Variants in TAFA2 observed in about 807,000 individuals in gnomAD.
The protein encoded by TAFA2 is chemokine-like protein TAFA-2.
In TAFA2, 7 loss-of-function variants were observed where a neutral mutation model predicts 18.8. That is an observed-to-expected ratio of 0.37 (90% confidence interval 0.21 to 0.70). TAFA2 has a LOEUF of 0.70. Ranked by LOEUF, TAFA2 falls within the 30% of genes least tolerant of loss-of-function variation. The pLI is 0.53. For missense variants in TAFA2, 122 were observed against 158.1 expected (o/e 0.77, Z 1.23); for synonymous variants, 60 against 54.2 (o/e 1.11, Z -0.47).
At chr12:62,249,630 G>C (rs1490432821) in intron 1 of TAFA2, among the ~76,000 whole-genome samples, 1 of 152,138 alleles carries the variant, frequency 6.6e-6, no homozygotes, top group Non-Finnish European at 1.5e-5. Flanking sequence ...TAGTCAGCAA[G>C]ATTCAGAGCA....
At chr12:62,228,341 A>T (rs1410747993) in intron 1 of TAFA2, among the ~76,000 whole-genome samples, 2 of 152,172 alleles carry the variant, frequency 1.3e-5, no homozygotes, top group Non-Finnish European at 2.9e-5. Context: ...GTGCTGTGAT[A>T]AATATATGAG....
chr12:62,093,286 T>C (rs1394499380), intron 1 of TAFA2, among the ~76,000 whole-genome samples: 1 of 151,976 alleles, frequency 6.6e-6, no homozygotes, highest in Non-Finnish European at 1.5e-5. Flanking sequence ...TGGAAAGCAA[T>C]TTACAAGTTT....
At chr12:62,172,398 T>A (rs1280880087) in intron 1 of TAFA2, among the ~76,000 whole-genome samples, 1 of 152,206 alleles carries the variant, frequency 6.6e-6, no homozygotes, top group Non-Finnish European at 1.5e-5. Flanking sequence ...AAATTGAAGT[T>A]GTGTATGTGT....
chr12:61,877,958 T>TAC, intron 1 of TAFA2: 2 of 426,740 alleles, frequency 4.7e-6, no homozygotes, highest in East Asian at 7.0e-5. Context: ...TACATATATA[T>TAC]ACACACACAG....
rs1868800467 is a variant in TAFA2 at position 61,747,796 on chromosome 12, C to A, written c.384+5826G>T. ...CGAGTTAGTGGGTGCAGCACACCAG[C>A]ATGGCACGTGTATACATATGTAACT... On this transcript the variant is annotated intron_variant, in intron 4 of 4. Transcript: ENST00000416284. Among the ~76,000 whole-genome samples, 6 of 150,702 alleles carry A rather than the reference C, an allele frequency of 4.0e-5. No homozygotes were observed. The South Asian group carries it at 1.3e-3, about 32-fold the overall frequency.
intron 1 of TAFA2, among the ~76,000 whole-genome samples, chr12:61,894,868 T>G (rs2121303524): frequency 6.6e-6 from 1 of 152,334 alleles, no homozygotes; most frequent in East Asian, 1.9e-4. Flanking sequence ...AAAATATGGA[T>G]GCAGAAAAAC....
intron 1 of TAFA2, among the ~76,000 whole-genome samples, chr12:62,083,448 A>T (rs535851958): frequency 6.6e-6 from 1 of 152,218 alleles, no homozygotes; most frequent in African/African-American, 2.4e-5. Flanking sequence ...TTTCTGGGGC[A>T]TATGCCATAT....
At chr12:62,154,057 A>T (rs1440985421) in intron 1 of TAFA2, among the ~76,000 whole-genome samples, 1 of 152,054 alleles carries the variant, frequency 6.6e-6, no homozygotes. Context: ...CTGAACCTAC[A>T]GGCACCTGCC....
At position 61,867,236 on chromosome 12, in the gene TAFA2, G is replaced by C. The variant is rs552194070; in HGVS notation, c.106+84C>G. On this transcript the variant is annotated intron_variant, in intron 2 of 4. Coordinates refer to ENST00000416284, the MANE Select transcript of TAFA2 (RefSeq NM_178539.5). ...AATCTATACCTAGTAAAATTTAACAGACCAGTGGAGGCAAAACATAACAGT... is the reference window on the plus strand; with the variant it reads ...AATCTATACCTAGTAAAATTTAACACACCAGTGGAGGCAAAACATAACAGT... The C allele has an allele frequency of 7.0e-4, 601 of 863,192 alleles. No individual in the cohort carries two copies. Among genetic ancestry groups the C allele is most frequent in the Middle Eastern group, 2.2e-3 (10 of 4,528 alleles). 53.5% of individuals were successfully genotyped at this position (863,192 alleles called of 1,614,324 possible). A position where few individuals can be genotyped will look rare whatever the true frequency, so the allele number is the denominator to read the frequency against.
intron 1 of TAFA2, among the ~76,000 whole-genome samples, chr12:61,932,328 T>C (rs917573541): frequency 1.3e-5 from 2 of 152,156 alleles, no homozygotes; most frequent in Admixed American, 6.6e-5. Context: ...TTTAAGGTAG[T>C]AACCCTTCAG....
chr12:62,006,315 T>C (rs1880548227), intron 1 of TAFA2, among the ~76,000 whole-genome samples: 1 of 152,174 alleles, frequency 6.6e-6, no homozygotes, highest in African/African-American at 2.4e-5. Context: ...TTGTGAAGCG[T>C]GCCCTCTGCT....
In TAFA2 at chr12:62,192,722, G is replaced by A. The variant is rs950465548; in HGVS notation, c.-1465C>T. The stretch of plus-strand genomic sequence containing the variant: ...TGGAATGGCAGGGCCGGGCGGCGTT[G>A]CCTCGCCTCTCTCTCCCAACAGCCA... On this transcript the variant is annotated 5_prime_UTR_variant, in exon 1 of 5. Coordinates refer to ENST00000416284, the MANE Select transcript of TAFA2 (RefSeq NM_178539.5). 3.3e-5 allele frequency: 5 copies of A among 152,242 alleles called. No individual in the cohort carries two copies. The highest frequency in any genetic ancestry group is 3.9e-4 in the East Asian group (2 of 5,192). 9.4% of individuals were successfully genotyped at this position (152,242 alleles called of 1,614,324 possible). A position where few individuals can be genotyped will look rare whatever the true frequency, so the allele number is the denominator to read the frequency against.
intron 1 of TAFA2, among the ~76,000 whole-genome samples, chr12:62,037,373 C>T (rs1417705068): frequency 6.6e-6 from 1 of 152,210 alleles, no homozygotes; most frequent in Non-Finnish European, 1.5e-5. Context: ...GATCCATGAA[C>T]AGGATTAAGT....
chr12:62,255,794 C>T (rs2062935602), intron 1 of TAFA2, among the ~76,000 whole-genome samples: 1 of 152,202 alleles, frequency 6.6e-6, no homozygotes, highest in African/African-American at 2.4e-5. Context: ...GCGAAGGTTG[C>T]AGTGAGCGGA....
At chr12:61,953,755 A>T (rs2121458234) in intron 1 of TAFA2, among the ~76,000 whole-genome samples, 1 of 152,290 alleles carries the variant, frequency 6.6e-6, no homozygotes, top group East Asian at 1.9e-4. Context: ...ACACCAGGGC[A>T]TGGTTGGAGA....
intron 1 of TAFA2, among the ~76,000 whole-genome samples, chr12:62,051,069 C>A (rs533194314): frequency 6.6e-6 from 1 of 152,318 alleles, no homozygotes; most frequent in South Asian, 2.1e-4. Context: ...ACCTTAACAG[C>A]ATCCTTAGTG....
intron 1 of TAFA2, among the ~76,000 whole-genome samples, chr12:61,881,414 G>A (rs906351062): frequency 6.6e-6 from 1 of 152,114 alleles, no homozygotes; most frequent in South Asian, 2.1e-4. Flanking sequence ...TAACACAATG[G>A]TACTTGTGTG....
intron 1 of TAFA2, among the ~76,000 whole-genome samples, chr12:61,950,755 C>T (rs11174249): frequency 0.16 from 24,231 of 151,938 alleles, 2,834 homozygotes; most frequent in African/African-American, 0.33. Context: ...GGTAGCTCCA[C>T]GAAGTCTAAG....
chr12:61,880,336 C>T (rs1357439593), intron 1 of TAFA2: 7 of 489,344 alleles, frequency 1.4e-5, no homozygotes, highest in Middle Eastern at 6.4e-4. Context: ...TCACAGATGC[C>T]GAGAAGCGCA....
Sources: allele counts gnomAD v4.1 joint callset (sites outside exome capture counted in the v4.1 genomes callset), GRCh38; gene constraint gnomAD v4.1.1; transcripts MANE v1.5; gene names NCBI Gene and HGNC (gene_info 2026-07-23, HGNC 2026-07-21).